Variants in METTL25 observed in about 807,000 individuals in gnomAD.
METTL25 encodes probable methyltransferase-like protein 25.
A neutral mutation model predicts 71.6 loss-of-function variants in METTL25; 64 were observed. That is an observed-to-expected ratio of 0.89 (90% CI 0.73 to 1.10). The LOEUF is 1.10. Among genes scored for constraint, METTL25 ranks in the 50% least tolerant of loss-of-function variants. The probability of loss-of-function intolerance (pLI) is 0.00; values close to 1 mark genes in which losing one functional copy is unlikely to be tolerated. For synonymous variants in METTL25, 287 were observed against 250.3 expected, an observed-to-expected ratio of 1.15 and a Z score of -1.38; for missense variants, 807 against 707.0, an observed-to-expected ratio of 1.14 and a Z score of -1.60.
intron 5 of METTL25, among the ~76,000 whole-genome samples, chr12:82,405,993 C>A (rs1887056253): frequency 6.6e-6 from 1 of 152,148 alleles, no homozygotes; most frequent in Non-Finnish European, 1.5e-5. Context: ...ATTTATTGAG[C>A]AGCTACTATT....
At chr12:82,373,131 A>G (rs891927244) in intron 1 of METTL25, among the ~76,000 whole-genome samples, 1 of 152,156 alleles carries the variant, frequency 6.6e-6, no homozygotes, top group African/African-American at 2.4e-5. Context: ...TAGAGTCCTA[A>G]GCGTTCTCCT....
At chr12:82,462,945 A>G (rs1891985921) in intron 9 of METTL25, among the ~76,000 whole-genome samples, 1 of 152,000 alleles carries the variant, frequency 6.6e-6, no homozygotes, top group Admixed American at 6.6e-5. Context: ...TTATTTTTTA[A>G]ATGGACACAT....
At chr12:82,446,455 A>G (rs948032828) in intron 8 of METTL25, among the ~76,000 whole-genome samples, 1 of 151,744 alleles carries the variant, frequency 6.6e-6, no homozygotes, top group African/African-American at 2.4e-5. Context: ...AAAAGTAGAA[A>G]TCATATCAAG....
chr12:82,435,910 A>T (rs570933274), intron 7 of METTL25, among the ~76,000 whole-genome samples: 8 of 151,588 alleles, frequency 5.3e-5, no homozygotes, highest in African/African-American at 1.9e-4. Context: ...TTGAGATAAT[A>T]AATACATAGT....
chr12:82,405,923 T>C (rs1887049680), intron 5 of METTL25, among the ~76,000 whole-genome samples: 1 of 152,218 alleles, frequency 6.6e-6, no homozygotes, highest in South Asian at 2.1e-4. Context: ...ATCACTGTTT[T>C]CCTGCCTTGG....
intron 1 of METTL25, among the ~76,000 whole-genome samples, chr12:82,378,390 T>G (rs531924062): frequency 7.2e-5 from 11 of 152,268 alleles, no homozygotes; most frequent in African/African-American, 1.9e-4. Context: ...AAGAACAAGA[T>G]CTGGTGGAGA....
intron 8 of METTL25, among the ~76,000 whole-genome samples, chr12:82,448,106 G>A (rs1890887762): frequency 6.6e-6 from 1 of 152,056 alleles, no homozygotes; most frequent in Non-Finnish European, 1.5e-5. Flanking sequence ...TGTAAATCAA[G>A]GTTATTGGAA....
chr12:82,479,036 G>A lies in METTL25; in HGVS notation c.*12G>A, dbSNP rs1893048551. On this transcript the variant is annotated 3_prime_UTR_variant, in exon 12 of 12. Coordinates refer to ENST00000248306, the MANE Select transcript of METTL25 (RefSeq NM_032230.3). ...AGAAGCAGCAGTGATTTCCATTGAAGCAAATTATTAGATGTATTTCTCTAT... is the reference window on the plus strand; with the variant it reads ...AGAAGCAGCAGTGATTTCCATTGAAACAAATTATTAGATGTATTTCTCTAT... The A allele has an allele frequency of 1.2e-6, 2 of 1,607,134 alleles. No homozygotes were observed. Among genetic ancestry groups the A allele is most frequent in the African/African-American group, 1.3e-5 (1 of 74,714 alleles).
chr12:82,472,173 ATTG>A (rs1892608729), intron 9 of METTL25, among the ~76,000 whole-genome samples: 1 of 152,210 alleles, frequency 6.6e-6, no homozygotes, highest in Non-Finnish European at 1.5e-5. Flanking sequence ...AGCAGAGCCA[ATTG>A]TTCACTTATG....
chr12:82,410,108 G>A (rs961845499), intron 5 of METTL25, among the ~76,000 whole-genome samples: 1 of 152,070 alleles, frequency 6.6e-6, no homozygotes, highest in African/African-American at 2.4e-5. Flanking sequence ...GAAGAAAAAC[G>A]TGTTGAGCAC....
At chr12:82,477,231 CT>C (rs746236363) in intron 10 of METTL25, 49 bp from the exon 11 acceptor site, 7,032 of 700,676 alleles carry the variant, frequency 0.01, no homozygotes, top group South Asian at 0.017. Flanking sequence ...ATAAGCTAGT[CT>C]TTTTTTTTTA....
chr12:82,429,083 A>G (rs951463740), intron 5 of METTL25, among the ~76,000 whole-genome samples: 4 of 151,784 alleles, frequency 2.6e-5, no homozygotes, highest in African/African-American at 7.2e-5. Context: ...TAAATATACA[A>G]TATATTGTTG....
intron 9 of METTL25, 103 bp downstream of exon 9, chr12:82,456,923 T>C: frequency 4.0e-6 from 2 of 501,652 alleles, no homozygotes; most frequent in Non-Finnish European, 6.5e-6. Context: ...TTTTCTCTCA[T>C]TTGTGAAAAG....
At chr12:82,391,725 T>C (rs1471595450) in intron 3 of METTL25, among the ~76,000 whole-genome samples, 1 of 284 alleles carries the variant, frequency 3.5e-3, no homozygotes, top group African/African-American at 3.8e-3. Flanking sequence ...ACTGATTTCC[T>C]TTTTTTTTTT....
intron 1 of METTL25, among the ~76,000 whole-genome samples, chr12:82,370,781 CCT>C (rs569621258): frequency 6.6e-6 from 1 of 150,868 alleles, no homozygotes; most frequent in Non-Finnish European, 1.5e-5. Flanking sequence ...TCTCTTCCTC[CCT>C]CTCTCTCTCT....
intron 5 of METTL25, among the ~76,000 whole-genome samples, chr12:82,411,723 A>G (rs1243798421): frequency 6.6e-6 from 1 of 152,030 alleles, no homozygotes; most frequent in Non-Finnish European, 1.5e-5. Flanking sequence ...AGAAGGTTAG[A>G]GAAAGTTTAT....
chr12:82,395,536 G>A (rs866255650), intron 3 of METTL25, among the ~76,000 whole-genome samples: 29 of 152,160 alleles, frequency 1.9e-4, no homozygotes, highest in Admixed American at 6.6e-4. Flanking sequence ...TTACCTGGAG[G>A]TATGTTACAA....
chr12:82,380,162 C>T (rs1299969317), intron 1 of METTL25, among the ~76,000 whole-genome samples: 1 of 152,134 alleles, frequency 6.6e-6, no homozygotes, highest in African/African-American at 2.4e-5. Flanking sequence ...AATTGTTCCC[C>T]TCTATGTTTC....
intron 1 of METTL25, among the ~76,000 whole-genome samples, chr12:82,385,084 C>G (rs1294564183): frequency 6.6e-6 from 1 of 152,044 alleles, no homozygotes; most frequent in Non-Finnish European, 1.5e-5. Context: ...CAACATATAT[C>G]TTAAATTAAT....
Sources: gnomAD v4.1 joint callset for allele counts (sites outside exome capture counted in the v4.1 genomes callset) on GRCh38, gnomAD v4.1.1 for gene constraint, MANE v1.5 for transcripts, NCBI Gene and HGNC (gene_info 2026-07-23, HGNC 2026-07-21) for gene names.